Variants in ASIC4 observed in about 807,000 individuals in gnomAD.
ASIC4 encodes the protein acid sensing ion channel subunit family member 4, also known as acid-sensing ion channel 4.
In ASIC4, 28 loss-of-function variants were observed where a neutral mutation model predicts 53.4. The ratio of observed to expected loss-of-function variants is 0.52; its 90% CI spans 0.39 to 0.72. ASIC4 has a LOEUF of 0.72. Among genes scored for constraint, ASIC4 ranks in the 30% least tolerant of loss-of-function variants. The pLI is 0.00. For missense variants in ASIC4, 649 were observed against 729.7 expected (o/e 0.89, Z 1.27); for synonymous variants, 289 against 301.4 (o/e 0.96, Z 0.43).
chr2:219,535,162 G>A lies in ASIC4; in HGVS notation c.1076-9G>A. The A allele has an allele frequency of 1.9e-6, 3 of 1,610,426 alleles. No individual in the cohort carries two copies. The highest frequency in any genetic ancestry group is 1.1e-5 in the South Asian group (1 of 90,652). On this transcript the variant is annotated splice_polypyrimidine_tract_variant and intron_variant, in intron 5 of 9. Coordinates refer to ENST00000358078, the MANE Select transcript of ASIC4 (RefSeq NM_018674.6). ...AACTCCCACTGTAGCTGCTACCTCTGTGTTGCAGACTCCCTGGGTGGGGGC... is the reference window on the plus strand; with the variant it reads ...AACTCCCACTGTAGCTGCTACCTCTATGTTGCAGACTCCCTGGGTGGGGGC...
At chr2:219,508,526 C>T in the ASIC4 span, among the ~76,000 whole-genome samples, 1 of 151,850 alleles carries the variant, frequency 6.6e-6, no homozygotes, top group African/African-American at 2.4e-5. Context: ...GTAACATGCC[C>T]CCGAGATTGA....
Position 219,537,213 on chromosome 2 carries a change from C to A in ASIC4, c.1322-29C>A, listed in dbSNP as rs201692446. The A allele has an allele frequency of 9.3e-6, 15 of 1,611,066 alleles. No individual in the cohort carries two copies. Among genetic ancestry groups the A allele is most frequent in the Non-Finnish European group, 1.3e-5 (15 of 1,177,752 alleles). On this transcript the variant is annotated intron_variant, in intron 7 of 9. Transcript: ENST00000358078. The surrounding 1 kb of genome is among the most constrained non-coding windows in gnomAD (Gnocchi z 4.9). ...GTGGGGGTGGATCGGCCCGGCCGCT[C>A]CCTCTGACACTGCTCTCCTGCTTCC...
At chr2:219,533,023 C>G in intron 5 of ASIC4, 84 bp downstream of exon 5, 4 of 1,402,278 alleles carry the variant, frequency 2.9e-6, no homozygotes, top group South Asian at 1.2e-5. Flanking sequence ...TTGGATCCTC[C>G]CCTCCCAATC....
chr2:219,538,129 C>T lies in ASIC4; in HGVS notation c.*83C>T, dbSNP rs1365748852. On this transcript the variant is annotated 3_prime_UTR_variant, in exon 10 of 10. Transcript: ENST00000358078. ...ACATTCTCCTGCTCCTGGGAGAGGC[C>T]TGGGGGCGGTGCTCACTGGGAGGGC... 2.9e-5 allele frequency: 35 copies of T among 1,219,254 alleles called. No homozygotes were observed. The highest frequency in any genetic ancestry group is 3.9e-5 in the Non-Finnish European group (33 of 846,014). 75.5% of individuals were successfully genotyped at this position (1,219,254 alleles called of 1,614,324 possible).
chr2:219,530,024 G>T (rs1052369711), intron 1 of ASIC4, among the ~76,000 whole-genome samples: 1 of 152,160 alleles, frequency 6.6e-6, no homozygotes. Context: ...CACTCCCCCT[G>T]TGTAGCCAGG....
chr2:219,507,535 G>C, the ASIC4 span, among the ~76,000 whole-genome samples: 2 of 152,092 alleles, frequency 1.3e-5, no homozygotes, highest in African/African-American at 4.8e-5. Context: ...CATTCTCTTC[G>C]GAAGCACAGT....
At chr2:219,519,885 TCTGGGGGCTGGGGG>T (rs940342518) in intron 1 of ASIC4, among the ~76,000 whole-genome samples, 1 of 151,596 alleles carries the variant, frequency 6.6e-6, no homozygotes, top group East Asian at 1.9e-4. Flanking sequence ...AGGGCCTGTG[TCTGGGGGCTGGGGG>T]CTGGGGGCAG....
intron 4 of ASIC4, 59 bp downstream of exon 4, chr2:219,532,536 C>T (rs370004529): frequency 8.3e-6 from 13 of 1,571,738 alleles, no homozygotes; most frequent in Middle Eastern, 2.1e-4. Context: ...CAGAGCCTCC[C>T]GGGGCAAGGC....
intron 1 of ASIC4, among the ~76,000 whole-genome samples, chr2:219,528,042 G>A (rs1031785057): frequency 6.6e-5 from 10 of 152,378 alleles, no homozygotes; most frequent in African/African-American, 1.2e-4. Flanking sequence ...GGTACCCCAC[G>A]TCGCCCATGC....
Position 219,531,751 on chromosome 2 carries a change from C to A in ASIC4, c.583-7C>A. The A allele has an allele frequency of 6.4e-7, 1 of 1,568,590 alleles. No individual in the cohort carries two copies. The highest frequency in any genetic ancestry group is 1.2e-5 in the South Asian group (1 of 83,902). ...CTCCCCTCCTGCTCTCTCACCCCAC[C>A]TCCCAGGTCTATACTCGCTATGGGA... On this transcript the variant is annotated splice_polypyrimidine_tract_variant and splice_region_variant and intron_variant, in intron 1 of 9. Coordinates refer to ENST00000358078, the MANE Select transcript of ASIC4 (RefSeq NM_018674.6).
In ASIC4 at chr2:219,514,573, C is replaced by T. The variant is rs762520262; in HGVS notation, c.-152C>T. ...GGGAGTGGGAGTGACTCCCCCACCT[C>T]GGGCCCCCACCCTGTCCCTGTCCTC... On this transcript the variant is annotated 5_prime_UTR_variant, in exon 1 of 10. Coordinates refer to ENST00000358078, the MANE Select transcript of ASIC4 (RefSeq NM_018674.6). 92 of 1,576,794 alleles carry T rather than the reference C, an allele frequency of 5.8e-5. No homozygotes were observed. The highest frequency in any genetic ancestry group is 2.2e-4 in the South Asian group (19 of 86,596).
chr2:219,516,932 C>T lies in ASIC4; in HGVS notation c.582+1626C>T, dbSNP rs1694801449. On this transcript the variant is annotated intron_variant, in intron 1 of 9. Coordinates refer to ENST00000358078, the MANE Select transcript of ASIC4 (RefSeq NM_018674.6). The surrounding 1 kb of genome is among the most constrained non-coding windows in gnomAD (Gnocchi z 4.9). ...CCCAAAGCAAGGGTTGGTAGAGTCCCCGAGGAGGAGGTGGGATATGGAGGG... is the reference window on the plus strand; with the variant it reads ...CCCAAAGCAAGGGTTGGTAGAGTCCTCGAGGAGGAGGTGGGATATGGAGGG... 6.6e-6 allele frequency: 1 copy of T among 152,380 alleles called. No homozygotes were observed. Among genetic ancestry groups the T allele is most frequent in the Non-Finnish European group, 1.5e-5 (1 of 68,214 alleles). The allele number at this position is 152,380 out of a possible 1,614,324, so 9.4% of individuals were successfully genotyped here.
chr2:219,535,408 C>T lies in ASIC4; in HGVS notation c.1229+84C>T, dbSNP rs1056730369. On this transcript the variant is annotated intron_variant, in intron 6 of 9. Coordinates refer to ENST00000358078, the MANE Select transcript of ASIC4 (RefSeq NM_018674.6). Reference sequence around the variant, plus strand: ...GGGTGGCTGTGTGACTCTGTGTGTACGTGTGTGTGAGTGTATGTGTGTATG... The same window carrying T: ...GGGTGGCTGTGTGACTCTGTGTGTATGTGTGTGTGAGTGTATGTGTGTATG... The T allele has an allele frequency of 5.2e-4, 723 of 1,401,596 alleles. 1 individual carries two copies. Among genetic ancestry groups the T allele is most frequent in the Non-Finnish European group, 6.5e-4 (682 of 1,044,166 alleles). The allele number at this position is 1,401,596 out of a possible 1,614,324, so 86.8% of individuals were successfully genotyped here.
intron 3 of ASIC4, 21 bp from the exon 4 acceptor site, chr2:219,532,294 C>T (rs757985394): frequency 3.7e-6 from 6 of 1,604,146 alleles, no homozygotes; most frequent in Non-Finnish European, 5.1e-6. Flanking sequence ...AGCATGACCT[C>T]ATCATGCCCC....
intron 1 of ASIC4, among the ~76,000 whole-genome samples, chr2:219,531,072 G>GA (rs1158094618): frequency 6.6e-6 from 1 of 152,184 alleles, no homozygotes; most frequent in African/African-American, 2.4e-5. Context: ...CTGGAGGCTG[G>GA]ATGTGGTGGC....
Position 219,515,127 on chromosome 2 carries a change from C to T in ASIC4, c.403C>T (p.His135Tyr), listed in dbSNP as rs779639143. The T allele has an allele frequency of 6.2e-7, 1 of 1,614,172 alleles. No homozygotes were observed. Among genetic ancestry groups the T allele is most frequent in the Middle Eastern group, 1.6e-4 (1 of 6,062 alleles). Residue 135 changes from histidine to tyrosine, a missense_variant, in exon 1 of 10, where the codon CAC becomes TAC. Transcript: ENST00000358078. ...GGCACTCAGCGATGCCGACATCTTC[C>T]ACCTGGCCAATCTGACAGGGCTGCC... Reference protein sequence around the residue: ...HSALSDADIFHLANLTGLPPK... With the variant: ...HSALSDADIFYLANLTGLPPK...
At chr2:219,529,830 G>C (rs1485610689) in intron 1 of ASIC4, among the ~76,000 whole-genome samples, 1 of 152,084 alleles carries the variant, frequency 6.6e-6, no homozygotes, top group Non-Finnish European at 1.5e-5. Flanking sequence ...TTTCGGGAAC[G>C]GGAGGCAGGG....
At chr2:219,511,097 G>T (rs960953132), upstream of ASIC4, among the ~76,000 whole-genome samples, 1 of 152,216 alleles carries the variant, frequency 6.6e-6, no homozygotes, top group African/African-American at 2.4e-5. The surrounding 1 kb of genome is among the most constrained non-coding windows in gnomAD (Gnocchi z 5.3). Context: ...GCTGGGGAGG[G>T]TGTCCTCTGG....
In ASIC4 at chr2:219,523,557, C is replaced by T. The variant is rs138892215; in HGVS notation, c.583-8201C>T. Among the ~76,000 whole-genome samples, 743 of 152,256 alleles carry T rather than the reference C, an allele frequency of 4.9e-3. 3 individuals carry two copies. Among genetic ancestry groups the T allele is most frequent in the South Asian group, 0.011 (51 of 4,818 alleles). ...CCCTGTATGCACGTGTAGAACTAAG[C>T]CTGCTGAGGGCGCTGTGTCTTCCTC... On this transcript the variant is annotated intron_variant, in intron 1 of 9. Transcript: ENST00000358078.
Sources: gnomAD v4.1 joint callset for allele counts (sites outside exome capture counted in the v4.1 genomes callset) on GRCh38, gnomAD v4.1.1 for gene constraint, Gnocchi (gnomAD v3.1) non-coding constraint, MANE v1.5 for transcripts, NCBI Gene and HGNC (gene_info 2026-07-23, HGNC 2026-07-21) for gene names.